TNC: variants seen among roughly 807,000 people sequenced by gnomAD.
TNC encodes tenascin.
In TNC, 109 loss-of-function variants were observed where a neutral mutation model predicts 202.4. The ratio of observed to expected loss-of-function variants is 0.54; its 90% CI spans 0.46 to 0.63. The LOEUF (loss-of-function observed/expected upper bound fraction) is 0.63, where lower values mean the gene tolerates loss of function less well. Among genes scored for constraint, TNC ranks in the 30% least tolerant of loss-of-function variants. The probability of loss-of-function intolerance (pLI) is 0.00; values close to 1 mark genes in which losing one functional copy is unlikely to be tolerated. For missense variants in TNC, 2,756 were observed against 2,833.3 expected (o/e 0.97, Z 0.62); for synonymous variants, 1,007 against 1,089.7 (o/e 0.92, Z 1.50).
Position 115,020,585 on chromosome 9 carries a change from C to T in TNC, c.*572G>A, listed in dbSNP as rs1297308083. On this transcript the variant is annotated 3_prime_UTR_variant, in exon 28 of 28. Transcript: ENST00000350763. The stretch of plus-strand genomic sequence containing the variant: ...AAAAAAAATACAATCAGGTACTGTC[C>T]AGAAATGTTTTGGAAAGAAAGATCT... The T allele has an allele frequency of 5.9e-6, 2 of 338,710 alleles. No homozygotes were observed. Among genetic ancestry groups the T allele is most frequent in the South Asian group, 2.6e-5 (1 of 38,934 alleles). The allele number at this position is 338,710 out of a possible 1,614,324, so 21.0% of individuals were successfully genotyped here. A position where few individuals can be genotyped will look rare whatever the true frequency, so the allele number is the denominator to read the frequency against.
intron 3 of TNC, 138 bp downstream of exon 3, chr9:115,085,726 G>T: frequency 2.2e-6 from 2 of 890,890 alleles, no homozygotes; most frequent in Non-Finnish European, 3.3e-6. Context: ...TTATGGGTGT[G>T]TGTTTAAATG....
intron 6 of TNC, among the ~76,000 whole-genome samples, chr9:115,080,523 A>G (rs894316410): frequency 4.6e-5 from 7 of 152,230 alleles, no homozygotes; most frequent in African/African-American, 1.4e-4. Flanking sequence ...TGCCAAGAAG[A>G]GTCGATTACT....
intron 18 of TNC, 73 bp downstream of exon 18, chr9:115,042,146 A>G (rs1299511998): frequency 6.5e-7 from 1 of 1,550,366 alleles, no homozygotes; most frequent in Non-Finnish European, 8.7e-7. Flanking sequence ...GATGAAAATT[A>G]TCAGGGTCTT....
chr9:115,066,065 A>G, intron 10 of TNC, among the ~76,000 whole-genome samples: 1 of 152,222 alleles, frequency 6.6e-6, no homozygotes, highest in East Asian at 1.9e-4. Context: ...ACACAGTATT[A>G]TTAAGGCTGA....
Position 115,076,519 on chromosome 9 carries a change from G to C in TNC, c.2731C>G (p.Leu911Val). 1 of 1,614,224 alleles carries C rather than the reference G, an allele frequency of 6.2e-7. No homozygotes were observed. The highest frequency in any genetic ancestry group is 8.5e-7 in the Non-Finnish European group (1 of 1,180,042). ...GCTGCCTTGCCATTCCTCCATTCCA[G>C]GGTGATGCTGTTATCTGTCTGGGAA... Reference protein sequence around the residue: ...RVSQTDNSITLEWRNGKAAID... With the variant: ...RVSQTDNSITVEWRNGKAAID... Residue 911 changes from leucine (L) to valine (V), a missense_variant, in exon 8 of 28, where the codon CTG becomes GTG. This residue lies in a region of TNC where 2,559 missense variants were observed against 2,546.0 expected (regional missense o/e 1.01). Transcript: ENST00000350763.
At chr9:115,083,482 T>G (rs2133365297) in intron 4 of TNC, among the ~76,000 whole-genome samples, 1 of 152,298 alleles carries the variant, frequency 6.6e-6, no homozygotes, top group East Asian at 1.9e-4. Flanking sequence ...CCTCTACTCC[T>G]TGTTAGCTGC....
intron 7 of TNC, among the ~76,000 whole-genome samples, chr9:115,077,324 G>A (rs1041272280): frequency 6.6e-6 from 1 of 152,182 alleles, no homozygotes; most frequent in Non-Finnish European, 1.5e-5. Context: ...CCAAAGTGCT[G>A]GGATTACAGG....
chr9:115,023,053 A>AG (rs56909056), intron 27 of TNC, among the ~76,000 whole-genome samples: 1 of 151,540 alleles, frequency 6.6e-6, no homozygotes, highest in Non-Finnish European at 1.5e-5. Flanking sequence ...AAAAAAAAAA[A>AG]TGAGATGCTG....
intron 6 of TNC, 133 bp downstream of exon 6, chr9:115,081,639 G>GT (rs1834311000): frequency 3.8e-6 from 4 of 1,039,828 alleles, no homozygotes; most frequent in Non-Finnish European, 5.7e-6. Context: ...TTAAACCACT[G>GT]TATCTGGATT....
intron 15 of TNC, chr9:115,053,160 C>A: frequency 3.4e-6 from 2 of 591,708 alleles, no homozygotes; most frequent in South Asian, 4.2e-5. Context: ...TGTGTCTACA[C>A]CTGCATTGAA....
intron 19 of TNC, among the ~76,000 whole-genome samples, chr9:115,040,058 A>G (rs1250482369): frequency 6.6e-6 from 1 of 152,230 alleles, no homozygotes; most frequent in Non-Finnish European, 1.5e-5. Context: ...GTTTTGAGAC[A>G]TGGCTGTCTG....
chr9:115,027,581 C>G (rs1482755067), intron 25 of TNC, among the ~76,000 whole-genome samples: 7 of 152,092 alleles, frequency 4.6e-5, no homozygotes, highest in Non-Finnish European at 7.4e-5. Flanking sequence ...CAGAGTGAAA[C>G]TCTGTCTAAA....
chr9:115,114,053 G>T (rs769063496), intron 1 of TNC, among the ~76,000 whole-genome samples: 76 of 152,210 alleles, frequency 5.0e-4, no homozygotes, highest in Non-Finnish European at 9.4e-4. Context: ...CCCGAAGGTA[G>T]GTAAGTTCAC....
chr9:115,021,987 C>G (rs959296342), intron 27 of TNC, among the ~76,000 whole-genome samples: 3 of 152,144 alleles, frequency 2.0e-5, no homozygotes, highest in Admixed American at 6.5e-5. Context: ...GGGGAAATAT[C>G]CTTGAAATTT....
intron 13 of TNC, among the ~76,000 whole-genome samples, chr9:115,061,449 C>T (rs1184098599): frequency 2.0e-5 from 3 of 152,272 alleles, no homozygotes; most frequent in African/African-American, 4.8e-5. Flanking sequence ...CTGCTAAAAA[C>T]AAAAGTTTGC....
At chr9:115,065,365 C>T (rs1832869670) in intron 10 of TNC, among the ~76,000 whole-genome samples, 1 of 151,922 alleles carries the variant, frequency 6.6e-6, no homozygotes, top group Non-Finnish European at 1.5e-5. Flanking sequence ...CATTGCACTC[C>T]AGTCTGGGGG....
chr9:115,101,748 A>G (rs765799613), intron 1 of TNC, among the ~76,000 whole-genome samples: 6 of 152,204 alleles, frequency 3.9e-5, no homozygotes, highest in Non-Finnish European at 7.3e-5. Context: ...AGAAACTAGA[A>G]TATCATACAC....
At chr9:115,087,527 G>GGGGTGT (rs1554718088) in intron 2 of TNC, among the ~76,000 whole-genome samples, 7 of 148,844 alleles carry the variant, frequency 4.7e-5, no homozygotes, top group East Asian at 2.1e-4. Context: ...TATGCATAGG[G>GGGGTGT]GTGTGTGTGT....
In TNC at chr9:115,090,693, C is replaced by G; in HGVS notation, c.326G>C (p.Arg109Pro). 1 of 1,614,138 alleles carries G rather than the reference C, an allele frequency of 6.2e-7. No individual in the cohort carries two copies. Among genetic ancestry groups the G allele is most frequent in the Non-Finnish European group, 8.5e-7 (1 of 1,179,982 alleles). Residue 109 changes from arginine to proline, a missense_variant, in exon 2 of 28, where the codon CGG (arginine) becomes CCG (proline). Around this residue, in one of 2 missense-constraint regions of TNC, gnomAD observed 2,559 missense variants for 2,546.0 expected, o/e 1.01. Coordinates refer to ENST00000350763, the MANE Select transcript of TNC (RefSeq NM_002160.4). ...VFTHRINIPR[R>P]ACGCAAAPDV... ...AGGGGCTGCGGCACAGCCACAGGCC[C>G]GGCGGGGGATGTTGATGCGATGTGT...
Sources: allele counts gnomAD v4.1 joint callset (sites outside exome capture counted in the v4.1 genomes callset), GRCh38; gene constraint gnomAD v4.1.1; regional missense constraint gnomAD v4.1.1; transcripts MANE v1.5; gene names NCBI Gene and HGNC (gene_info 2026-07-23, HGNC 2026-07-21).